The following NID2 variants were observed in gnomAD, a reference collection of about 807,000 sequenced individuals.
NID2 encodes nidogen-2.
In NID2, 83 loss-of-function variants were observed where a neutral mutation model predicts 145.4. That is an observed-to-expected ratio of 0.57 (90% CI 0.48 to 0.69). The LOEUF (loss-of-function observed/expected upper bound fraction) is 0.69. NID2 is among the 30% of genes least tolerant of loss of function. The pLI, the probability that NID2 is intolerant of heterozygous loss-of-function variation, is 0.00. For synonymous variants in NID2, 739 were observed against 701.3 expected, an observed-to-expected ratio of 1.05 and a Z score of -0.85; for missense variants, 1,807 against 1,765.7, an observed-to-expected ratio of 1.02 and a Z score of -0.42.
chr14:52,014,126 G>A, intron 16 of NID2, 161 bp downstream of exon 16: 3 of 830,956 alleles, frequency 3.6e-6, no homozygotes, highest in Non-Finnish European at 6.0e-6. Context: ...AGAGAGCCCT[G>A]GTCCTATGGT....
At chr14:52,027,450 C>G in intron 11 of NID2, 106 bp from the exon 12 acceptor site, 1 of 983,996 alleles carries the variant, frequency 1.0e-6, no homozygotes, top group Non-Finnish European at 1.4e-6. Context: ...CCAGGGAATG[C>G]AGGTTCTCAG....
intron 5 of NID2, among the ~76,000 whole-genome samples, chr14:52,049,735 G>A (rs552092328): frequency 1.4e-3 from 214 of 152,252 alleles, no homozygotes; most frequent in Non-Finnish European, 2.4e-3. Flanking sequence ...GATGTGTGTG[G>A]CATGTAATGA....
chr14:52,046,626 C>T (rs1278498367), intron 5 of NID2, among the ~76,000 whole-genome samples: 1 of 152,114 alleles, frequency 6.6e-6, no homozygotes, highest in Non-Finnish European at 1.5e-5. Flanking sequence ...TGCAACTGTG[C>T]AAAGGTTTAT....
intron 20 of NID2, 33 bp from the exon 21 acceptor site, chr14:52,005,882 C>T (rs1890759011): frequency 1.4e-6 from 2 of 1,456,594 alleles, no homozygotes; most frequent in East Asian, 2.3e-5. Flanking sequence ...AATTCAGGGA[C>T]AGTCATTTAC....
chr14:52,005,473 T>G lies in NID2; in HGVS notation c.*13A>C, dbSNP rs1890733427. ...TGATTGTAAACTCCAAGTCTTCCTT[T>G]ACATTACTGTACTTACTTTCTTCCT... On this transcript the variant is annotated 3_prime_UTR_variant, in exon 22 of 22. Transcript: ENST00000216286. The G allele has an allele frequency of 6.3e-7, 1 of 1,589,276 alleles. No homozygotes were observed. The highest frequency in any genetic ancestry group is 1.8e-5 in the Admixed American group (1 of 55,132).
At chr14:52,008,317 G>C (rs1295901168) in intron 18 of NID2, 1 of 184,074 alleles carries the variant, frequency 5.4e-6, no homozygotes, top group Non-Finnish European at 1.1e-5. Flanking sequence ...CATTAGTCTT[G>C]CCTGTAGCCC....
chr14:52,005,415 CT>C lies in NID2; in HGVS notation c.*70del, dbSNP rs1890728988. On this transcript the variant is annotated 3_prime_UTR_variant, in exon 22 of 22. Coordinates refer to ENST00000216286, the MANE Select transcript of NID2 (RefSeq NM_007361.4). ...CCAATTCCTTTTTTACTTTCTTTGCCTTTGCAGTCACTGTTCTTTAGGGTCC... is the reference window on the plus strand; with the variant it reads ...CCAATTCCTTTTTTACTTTCTTTGCCTTGCAGTCACTGTTCTTTAGGGTCC... The C allele has an allele frequency of 3.5e-6, 5 of 1,425,028 alleles. No individual in the cohort carries two copies. The South Asian group carries it at 4.9e-5, about 14-fold the overall frequency. The allele number at this position is 1,425,028 out of a possible 1,614,324, so 88.3% of individuals were successfully genotyped here.
chr14:52,037,372 C>A (rs555059909), intron 9 of NID2, among the ~76,000 whole-genome samples: 1 of 152,144 alleles, frequency 6.6e-6, no homozygotes, highest in Non-Finnish European at 1.5e-5. Context: ...TGTACATGTG[C>A]CATGTTGGTG....
chr14:52,068,796 A>T lies in NID2; in HGVS notation c.199T>A (p.Phe67Ile), dbSNP rs1283818043. The stretch of plus-strand genomic sequence containing the variant: ...AGGTTGCTGAATCGGGCTTCGTAGA[A>T]GTGCAGGGGATTCGCCAGCTTCACC... Reference protein sequence around the residue: ...AVVKLANPLHFYEARFSNLYV... With the variant: ...AVVKLANPLHIYEARFSNLYV... The change falls in exon 1 of 22, where the codon TTC (phenylalanine) becomes ATC (isoleucine). Residue 67 changes from phenylalanine (F) to isoleucine (I), a missense_variant. Phe to Ile is a conservative substitution (Grantham distance 21). Transcript: ENST00000216286. The T allele has an allele frequency of 6.2e-7, 1 of 1,607,696 alleles. No individual in the cohort carries two copies. Among genetic ancestry groups the T allele is most frequent in the East Asian group, 2.2e-5 (1 of 44,864 alleles).
At chr14:52,022,722 G>C (rs191247298) in intron 12 of NID2, among the ~76,000 whole-genome samples, 2 of 152,144 alleles carry the variant, frequency 1.3e-5, no homozygotes, top group African/African-American at 4.8e-5. Flanking sequence ...AAAATCCTTC[G>C]AGTTCATGCT....
At chr14:52,067,799 C>G in intron 2 of NID2, 59 bp downstream of exon 2, 4 of 1,589,328 alleles carry the variant, frequency 2.5e-6, no homozygotes, top group Non-Finnish European at 3.4e-6. Context: ...GGGTCGCTGC[C>G]CCAGAATTTA....
intron 20 of NID2, chr14:52,006,261 G>T (rs1022839569): frequency 7.2e-6 from 3 of 418,544 alleles, no homozygotes; most frequent in African/African-American, 6.0e-5. Flanking sequence ...AGATTAATAT[G>T]CTCCCTTTTG....
chr14:52,032,808 A>AC (rs1891915130), intron 9 of NID2, among the ~76,000 whole-genome samples: 4 of 151,794 alleles, frequency 2.6e-5, no homozygotes, highest in South Asian at 2.1e-4. Flanking sequence ...TTAAAAGAAA[A>AC]AAAAAAAATC....
intron 2 of NID2, among the ~76,000 whole-genome samples, chr14:52,062,532 T>C (rs1893048642): frequency 6.6e-6 from 1 of 152,000 alleles, no homozygotes; most frequent in African/African-American, 2.4e-5. Context: ...TTAGTCAGAA[T>C]AAAGAAAAAT....
At chr14:52,011,727 TC>T in intron 16 of NID2, 44 bp from the exon 17 acceptor site, 1 of 1,610,898 alleles carries the variant, frequency 6.2e-7, no homozygotes, top group Non-Finnish European at 8.5e-7. Flanking sequence ...AGGTTACATT[TC>T]CCCTTTGTTC....
At chr14:52,020,870 A>G (rs933389404) in intron 12 of NID2, among the ~76,000 whole-genome samples, 3 of 152,252 alleles carry the variant, frequency 2.0e-5, no homozygotes, top group Non-Finnish European at 4.4e-5. Context: ...TACACTCTCC[A>G]CATAGCACCA....
rs373423996 is a variant in NID2 at position 52,069,002 on chromosome 14, C to T, written c.-8G>A. 2.6e-5 allele frequency: 41 copies of T among 1,598,184 alleles called. No individual in the cohort carries two copies. Among genetic ancestry groups the T allele is most frequent in the Non-Finnish European group, 3.0e-5 (35 of 1,170,350 alleles). ...CACCCGGTCCCCCTCCATGCTCGCT[C>T]GGCCGTGCGCTTACCCGCTGCACAA... is the stretch of plus-strand genomic sequence containing the variant. On this transcript the variant is annotated 5_prime_UTR_variant, in exon 1 of 22. Transcript: ENST00000216286.
At chr14:52,006,304 G>C (rs1890779324) in intron 20 of NID2, 1 of 479,928 alleles carries the variant, frequency 2.1e-6, no homozygotes, top group South Asian at 2.6e-5. Flanking sequence ...TACTTTTTAA[G>C]CTATATGTGA....
intron 5 of NID2, 142 bp from the exon 6 acceptor site, chr14:52,043,073 C>T: frequency 2.7e-6 from 2 of 752,186 alleles, no homozygotes; most frequent in East Asian, 2.7e-5. Context: ...GCATAACATT[C>T]AACCCAAGGG....
Sources: allele counts gnomAD v4.1 joint callset (sites outside exome capture counted in the v4.1 genomes callset), GRCh38; gene constraint gnomAD v4.1.1; transcripts MANE v1.5; gene names NCBI Gene and HGNC (gene_info 2026-07-23, HGNC 2026-07-21).